Variants in KDM4C observed in about 807,000 individuals in gnomAD.
KDM4C encodes lysine-specific demethylase 4C.
KDM4C carries 81 observed loss-of-function variants against 129.3 expected under a neutral mutation model. The observed-to-expected ratio is 0.63, with a 90% CI of 0.52 to 0.75. The LOEUF is 0.75. Ranked by LOEUF, KDM4C falls within the 30% of genes least tolerant of loss-of-function variation. The pLI is 0.00. For missense variants in KDM4C, 1,457 were observed against 1,304.0 expected (o/e 1.12, Z -1.81); for synonymous variants, 573 against 456.1 (o/e 1.26, Z -3.26).
At chr9:6,781,467 T>C (rs1483986501) in intron 1 of KDM4C, among the ~76,000 whole-genome samples, 1 of 152,164 alleles carries the variant, frequency 6.6e-6, no homozygotes, top group Non-Finnish European at 1.5e-5. Context: ...CTGTAACTCA[T>C]GACTGAACCA....
intron 8 of KDM4C, among the ~76,000 whole-genome samples, chr9:6,924,301 C>T (rs1333252181): frequency 6.6e-6 from 1 of 152,186 alleles, no homozygotes; most frequent in African/African-American, 2.4e-5. Context: ...GTTTGTGCCT[C>T]CAAGTCCACT....
chr9:7,060,917 T>A (rs1831570961), intron 17 of KDM4C, among the ~76,000 whole-genome samples: 1 of 152,170 alleles, frequency 6.6e-6, no homozygotes, highest in African/African-American at 2.4e-5. Context: ...CTGTTCCTCT[T>A]CCCCTACTGT....
At chr9:7,157,997 G>A (rs1263235039) in intron 19 of KDM4C, among the ~76,000 whole-genome samples, 2 of 151,998 alleles carry the variant, frequency 1.3e-5, no homozygotes, top group Non-Finnish European at 1.5e-5. Context: ...GACTTTTTTT[G>A]GTTGGTAGGC....
chr9:6,722,208 G>C (rs1563908457), intron 1 of KDM4C, among the ~76,000 whole-genome samples: 2 of 152,132 alleles, frequency 1.3e-5, no homozygotes, highest in Non-Finnish European at 2.9e-5. Flanking sequence ...CCAGGTTAAG[G>C]GCTGTGATAA....
chr9:6,967,644 C>T (rs1268016253), intron 8 of KDM4C, among the ~76,000 whole-genome samples: 1 of 152,106 alleles, frequency 6.6e-6, no homozygotes, highest in Admixed American at 6.5e-5. Flanking sequence ...GGCTCACCTG[C>T]ACCTGTATGC....
At position 6,980,975 on chromosome 9, in the gene KDM4C, G is replaced by T. The variant is rs1253972891; in HGVS notation, c.972G>T (p.Arg324Ser). ...AGATTTCAATGGATATCTTTGTGAG[G>T]AAATTTCAGCCAGACAGATATCAGC... The part of the protein sequence containing the change: ...MVKISMDIFV[R>S]KFQPDRYQLW... The change falls in exon 9 of 22, where the codon AGG becomes AGT. Residue 324 changes from arginine to serine, a missense_variant. Physicochemically the swap from Arg to Ser is moderately radical, Grantham distance 110. Coordinates refer to ENST00000381309, the MANE Select transcript of KDM4C (RefSeq NM_015061.6). The T allele has an allele frequency of 6.2e-7, 1 of 1,613,780 alleles. No homozygotes were observed. Among genetic ancestry groups the T allele is most frequent in the Admixed American group, 1.7e-5 (1 of 59,956 alleles).
chr9:7,087,122 G>A (rs916320382), intron 17 of KDM4C, among the ~76,000 whole-genome samples: 17 of 147,838 alleles, frequency 1.1e-4, no homozygotes, highest in African/African-American at 4.3e-4. Flanking sequence ...CAGAATTAAA[G>A]GAGTACCCAA....
At chr9:7,066,944 T>C (rs903024383) in intron 17 of KDM4C, among the ~76,000 whole-genome samples, 1 of 152,254 alleles carries the variant, frequency 6.6e-6, no homozygotes, top group African/African-American at 2.4e-5. Flanking sequence ...ATTACAGAGC[T>C]GTTTATTTGG....
chr9:6,764,610 G>C (rs1245310059), intron 1 of KDM4C, among the ~76,000 whole-genome samples: 1 of 152,164 alleles, frequency 6.6e-6, no homozygotes, highest in Non-Finnish European at 1.5e-5. Context: ...TTAGTTAACT[G>C]TTGCACTGTA....
intron 4 of KDM4C, among the ~76,000 whole-genome samples, chr9:6,828,231 T>G (rs564885120): frequency 1.4e-4 from 22 of 152,066 alleles, no homozygotes; most frequent in African/African-American, 5.1e-4. Context: ...CACTGCAAGC[T>G]CCGCCTCCCA....
chr9:6,884,192 G>A (rs1844902181), intron 6 of KDM4C, among the ~76,000 whole-genome samples: 1 of 152,052 alleles, frequency 6.6e-6, no homozygotes, highest in African/African-American at 2.4e-5. Flanking sequence ...AGTGAGGCCT[G>A]CGAAAGGATA....
intron 5 of KDM4C, among the ~76,000 whole-genome samples, chr9:6,865,257 C>A (rs938907986): frequency 6.6e-5 from 10 of 152,160 alleles, no homozygotes; most frequent in Admixed American, 4.6e-4. Context: ...ATCCGACCGC[C>A]TTGGCCTCCC....
intron 19 of KDM4C, among the ~76,000 whole-genome samples, chr9:7,138,705 G>A (rs954261879): frequency 1.4e-4 from 22 of 152,118 alleles, no homozygotes; most frequent in Admixed American, 9.2e-4. Flanking sequence ...TGTAGTCCTA[G>A]CTCCTTGGGA....
intron 15 of KDM4C, among the ~76,000 whole-genome samples, chr9:7,032,447 A>C (rs1457262810): frequency 6.6e-6 from 1 of 152,238 alleles, no homozygotes; most frequent in Non-Finnish European, 1.5e-5. Context: ...GTCTCTTGGA[A>C]TCTTCTGCTT....
chr9:7,099,663 C>G (rs909536291), intron 17 of KDM4C, among the ~76,000 whole-genome samples: 2 of 152,214 alleles, frequency 1.3e-5, no homozygotes, highest in Admixed American at 1.3e-4. Context: ...ATCAGTATCA[C>G]TGGGAACTTG....
At position 6,990,540 on chromosome 9, in the gene KDM4C, T is replaced by A; in HGVS notation, c.1786+16T>A. On this transcript the variant is annotated intron_variant, in intron 12 of 21. Coordinates refer to ENST00000381309, the MANE Select transcript of KDM4C (RefSeq NM_015061.6). ...AGTGATGAAGGTGAGATGGTGACCC[T>A]TTTTGGGATTTTTTTTTTTTTTTTT... is the stretch of plus-strand genomic sequence containing the variant. 7.2e-7 allele frequency: 1 copy of A among 1,396,392 alleles called. No individual in the cohort carries two copies. Among genetic ancestry groups the A allele is most frequent in the Non-Finnish European group, 9.5e-7 (1 of 1,055,654 alleles). 86.5% of individuals were successfully genotyped at this position (1,396,392 alleles called of 1,614,324 possible).
intron 8 of KDM4C, among the ~76,000 whole-genome samples, chr9:6,927,794 C>G (rs1414912952): frequency 2.6e-5 from 4 of 152,200 alleles, no homozygotes; most frequent in African/African-American, 9.6e-5. Flanking sequence ...AGCATTGTGT[C>G]TCACCAATTT....
chr9:6,964,605 C>T (rs1830579966), intron 8 of KDM4C, among the ~76,000 whole-genome samples: 1 of 151,922 alleles, frequency 6.6e-6, no homozygotes, highest in South Asian at 2.1e-4. Flanking sequence ...CACGGTGAAA[C>T]CCCATCTCTA....
intron 6 of KDM4C, among the ~76,000 whole-genome samples, chr9:6,883,829 G>A (rs1389078603): frequency 6.6e-6 from 1 of 152,060 alleles, no homozygotes; most frequent in Non-Finnish European, 1.5e-5. Flanking sequence ...CTTGGCTTGG[G>A]GAGTCCTTGG....
Sources: allele counts gnomAD v4.1 joint callset (sites outside exome capture counted in the v4.1 genomes callset), GRCh38; gene constraint gnomAD v4.1.1; transcripts MANE v1.5; gene names NCBI Gene and HGNC (gene_info 2026-07-23, HGNC 2026-07-21).